Variants in FBXO8 observed in about 807,000 individuals in gnomAD.
The protein encoded by FBXO8 is F-box only protein 8.
In FBXO8, 15 loss-of-function variants were observed where a neutral mutation model predicts 33.4. The ratio of observed to expected loss-of-function variants is 0.45; its 90% CI spans 0.30 to 0.69. The LOEUF (loss-of-function observed/expected upper bound fraction) is 0.69, where lower values mean the gene tolerates loss of function less well. Ranked by LOEUF, FBXO8 falls within the 30% of genes least tolerant of loss-of-function variation. The pLI is 0.08. For missense variants in FBXO8, 274 were observed against 380.3 expected (o/e 0.72, Z 2.32); for synonymous variants, 132 against 131.5 (o/e 1.00, Z -0.02).
chr4:174,245,726 TA>T lies in FBXO8; in HGVS notation c.457-4509del, dbSNP rs1198597002. Among the ~76,000 whole-genome samples, 1 of 151,794 alleles carries T rather than the reference TA, an allele frequency of 6.6e-6. No homozygotes were observed. The highest frequency in any genetic ancestry group is 2.4e-5 in the African/African-American group (1 of 41,294). On this transcript the variant is annotated intron_variant, in intron 3 of 5. Coordinates refer to ENST00000393674, the MANE Select transcript of FBXO8 (RefSeq NM_012180.3). The surrounding 1 kb of genome is among the most constrained non-coding windows in gnomAD (Gnocchi z 4.6). Reference sequence around the variant, plus strand: ...TGGGCTATTCAGCGGAGCACTCACTTAAAAAATAAAAATAAATAGATAGCGG... The same window carrying T: ...TGGGCTATTCAGCGGAGCACTCACTTAAAAATAAAAATAAATAGATAGCGG...
intron 3 of FBXO8, among the ~76,000 whole-genome samples, chr4:174,258,417 T>G (rs1336943917): frequency 6.6e-6 from 1 of 152,192 alleles, no homozygotes; most frequent in Admixed American, 6.5e-5. Flanking sequence ...AAAAGCAATA[T>G]TATATTGGTA....
intron 3 of FBXO8, among the ~76,000 whole-genome samples, chr4:174,250,811 C>T (rs1579022924): frequency 1.3e-5 from 2 of 152,104 alleles, no homozygotes; most frequent in Non-Finnish European, 2.9e-5. Flanking sequence ...GTGACATCTA[C>T]TGTGACACTG....
At chr4:174,249,429 T>C (rs559060584) in intron 3 of FBXO8, among the ~76,000 whole-genome samples, 1 of 152,148 alleles carries the variant, frequency 6.6e-6, no homozygotes, top group African/African-American at 2.4e-5. Context: ...AATTTAGAAT[T>C]CTTGCTTTAT....
In FBXO8 at chr4:174,278,241, A is replaced by T. The variant is rs1736998751; in HGVS notation, c.-9+5169T>A. On this transcript the variant is annotated intron_variant, in intron 1 of 5. Coordinates refer to ENST00000393674, the MANE Select transcript of FBXO8 (RefSeq NM_012180.3). The surrounding 1 kb of genome is among the most constrained non-coding windows in gnomAD (Gnocchi z 4.1). ...AGAGGTCACAAGGTACATTGAACAC[A>T]TAAAAAGCCCCTACTCATTAAATTT... Among the ~76,000 whole-genome samples the T allele has an allele frequency of 6.6e-6, 1 of 152,134 alleles. No individual in the cohort carries two copies. Among genetic ancestry groups the T allele is most frequent in the South Asian group, 2.1e-4 (1 of 4,836 alleles).
Position 174,277,660 on chromosome 4 carries a change from G to A in FBXO8, c.-9+5750C>T, listed in dbSNP as rs1194699452. On this transcript the variant is annotated intron_variant, in intron 1 of 5. Coordinates refer to ENST00000393674, the MANE Select transcript of FBXO8 (RefSeq NM_012180.3). This position sits in a 1 kb window ranked among gnomAD's most constrained non-coding sequence, Gnocchi z 4.9. The stretch of plus-strand genomic sequence containing the variant: ...GTTAAATCATTGGTATGTAATGACT[G>A]ACATATGAATAGCCTCATTTAAATA... Among the ~76,000 whole-genome samples the A allele has an allele frequency of 2.0e-5, 3 of 152,064 alleles. No individual in the cohort carries two copies. The highest frequency in any genetic ancestry group is 7.2e-5 in the African/African-American group (3 of 41,432).
Position 174,274,566 on chromosome 4 carries a change from C to T in FBXO8, c.-9+8844G>A, listed in dbSNP as rs997938146. Among the ~76,000 whole-genome samples, 11 of 152,252 alleles carry T rather than the reference C, an allele frequency of 7.2e-5. No individual in the cohort carries two copies. The highest frequency in any genetic ancestry group is 2.4e-4 in the African/African-American group (10 of 41,532). On this transcript the variant is annotated intron_variant, in intron 1 of 5. Coordinates refer to ENST00000393674, the MANE Select transcript of FBXO8 (RefSeq NM_012180.3). The surrounding 1 kb of genome is among the most constrained non-coding windows in gnomAD (Gnocchi z 4.0). ...ACATAGCAAGGCCATAGTTCCAACA[C>T]GCACTAGTTTCAGTTAACATGGTAA...
Position 174,257,851 on chromosome 4 carries a change from A to C in FBXO8, c.456+1848T>G, listed in dbSNP as rs1483819659. ...GTGGTCCTCCTACCTCAGCCTCCGG[A>C]GTAGCTGGGACCACAAGAATGCACC... On this transcript the variant is annotated intron_variant, in intron 3 of 5. Coordinates refer to ENST00000393674, the MANE Select transcript of FBXO8 (RefSeq NM_012180.3). This position sits in a 1 kb window ranked among gnomAD's most constrained non-coding sequence, Gnocchi z 4.3. Among the ~76,000 whole-genome samples, 1 of 151,818 alleles carries C rather than the reference A, an allele frequency of 6.6e-6. No individual in the cohort carries two copies. The highest frequency in any genetic ancestry group is 1.9e-4 in the East Asian group (1 of 5,158).
At position 174,256,254 on chromosome 4, in the gene FBXO8, AT is replaced by A; in HGVS notation, c.456+3444del. 1 of 403,980 alleles carries A rather than the reference AT, an allele frequency of 2.5e-6. No individual in the cohort carries two copies. The highest frequency in any genetic ancestry group is 4.9e-6 in the Non-Finnish European group (1 of 204,756). 25.0% of individuals were successfully genotyped at this position (403,980 alleles called of 1,614,324 possible). A position where few individuals can be genotyped will look rare whatever the true frequency, so the allele number is the denominator to read the frequency against. ...AGACTTTTTACAATACTAAGCAATT[AT>A]ATACATCTTATCTCAGGTACTTGCA... is the stretch of plus-strand genomic sequence containing the variant. On this transcript the variant is annotated intron_variant, in intron 3 of 5. Transcript: ENST00000393674. The surrounding 1 kb of genome is among the most constrained non-coding windows in gnomAD (Gnocchi z 4.6).
intron 4 of FBXO8, among the ~76,000 whole-genome samples, chr4:174,240,544 C>T (rs972094997): frequency 1.5e-4 from 23 of 151,634 alleles, no homozygotes; most frequent in Admixed American, 1.4e-3. Context: ...GTAAAGTGTA[C>T]AAATGAATAA....
intron 3 of FBXO8, among the ~76,000 whole-genome samples, chr4:174,250,186 G>A (rs1736254546): frequency 6.6e-6 from 1 of 151,944 alleles, no homozygotes; most frequent in Non-Finnish European, 1.5e-5. Flanking sequence ...AAGCACAGAG[G>A]TTAAATAACT....
Position 174,275,870 on chromosome 4 carries a change from T to A in FBXO8, c.-9+7540A>T, listed in dbSNP as rs1486052993. Among the ~76,000 whole-genome samples the A allele has an allele frequency of 6.6e-6, 1 of 152,152 alleles. No individual in the cohort carries two copies. The highest frequency in any genetic ancestry group is 1.5e-5 in the Non-Finnish European group (1 of 68,006). ...CCTTATAGACACAAATCCTAAATGATGTTTTGACCACTTACATAGGATATA... is the reference window on the plus strand; with the variant it reads ...CCTTATAGACACAAATCCTAAATGAAGTTTTGACCACTTACATAGGATATA... On this transcript the variant is annotated intron_variant, in intron 1 of 5. Transcript: ENST00000393674. The surrounding 1 kb of genome is among the most constrained non-coding windows in gnomAD (Gnocchi z 4.4).
At chr4:174,276,816 AGCTCCAATTAC>A (rs1434456077) in intron 1 of FBXO8, among the ~76,000 whole-genome samples, 2 of 152,204 alleles carry the variant, frequency 1.3e-5, no homozygotes, top group Non-Finnish European at 2.9e-5. Context: ...TTAAAGGTGG[AGCTCCAATTAC>A]GCTGTAACTT....
Position 174,256,751 on chromosome 4 carries a change from G to A in FBXO8, c.456+2948C>T, listed in dbSNP as rs1390315304. Among the ~76,000 whole-genome samples the A allele has an allele frequency of 6.6e-6, 1 of 151,940 alleles. No individual in the cohort carries two copies. The highest frequency in any genetic ancestry group is 1.5e-5 in the Non-Finnish European group (1 of 68,002). On this transcript the variant is annotated intron_variant, in intron 3 of 5. Transcript: ENST00000393674. This position sits in a 1 kb window ranked among gnomAD's most constrained non-coding sequence, Gnocchi z 4.6. ...TTTCTTTTGCTATTAGGTAACATCT[G>A]CTAAATTACATGTTCATAAAAGCAT...
chr4:174,259,554 AAT>A lies in FBXO8; in HGVS notation c.456+143_456+144del, dbSNP rs770660158. On this transcript the variant is annotated intron_variant, in intron 3 of 5. Transcript: ENST00000393674. The surrounding 1 kb of genome is among the most constrained non-coding windows in gnomAD (Gnocchi z 4.3). ...AAGAAAAATGACTATGTCACATAGCAATAGTTTAAAATATTGGTTTTCTCAGT... is the reference window on the plus strand; with the variant it reads ...AAGAAAAATGACTATGTCACATAGCAAGTTTAAAATATTGGTTTTCTCAGT... The A allele has an allele frequency of 1.2e-4, 117 of 991,906 alleles. 1 individual carries two copies. The highest frequency in any genetic ancestry group is 1.5e-4 in the South Asian group (10 of 65,496). 61.4% of individuals were successfully genotyped at this position (991,906 alleles called of 1,614,324 possible).
rs1736512335 is a variant in FBXO8, at chr4:174,259,967, T to C, written c.330-142A>G. 2.3e-6 allele frequency: 2 copies of C among 885,274 alleles called. No individual in the cohort carries two copies. The highest frequency in any genetic ancestry group is 6.7e-5 in the Admixed American group (2 of 29,948). 54.8% of individuals were successfully genotyped at this position (885,274 alleles called of 1,614,324 possible). ...AAGTTTAAAATTTTTAAGTTTGTAC[T>C]TGTTTTCTATTTGTTTACTAGAGTA... is the stretch of plus-strand genomic sequence containing the variant. On this transcript the variant is annotated intron_variant, in intron 2 of 5. Transcript: ENST00000393674. This position sits in a 1 kb window ranked among gnomAD's most constrained non-coding sequence, Gnocchi z 4.3.
intron 1 of FBXO8, among the ~76,000 whole-genome samples, chr4:174,273,892 T>C (rs1387858953): frequency 6.6e-6 from 1 of 152,200 alleles, no homozygotes; most frequent in Non-Finnish European, 1.5e-5. Flanking sequence ...TAATACAGAC[T>C]GAAGACCATT....
In FBXO8 at chr4:174,275,068, A is replaced by AAT. The variant is rs756745535; in HGVS notation, c.-9+8340_-9+8341dup. 1.3e-5 allele frequency among the ~76,000 whole-genome samples: 2 copies of AAT among 152,222 alleles called. No homozygotes were observed. Among genetic ancestry groups the AAT allele is most frequent in the Non-Finnish European group, 2.9e-5 (2 of 68,046 alleles). Reference sequence around the variant, plus strand: ...ACATATCTGACGGACGAGTATCTAGAATATATAAACAACTCTCAAAACAAT... The same window carrying AAT: ...ACATATCTGACGGACGAGTATCTAGAATATATATAAACAACTCTCAAAACAAT... On this transcript the variant is annotated intron_variant, in intron 1 of 5. Coordinates refer to ENST00000393674, the MANE Select transcript of FBXO8 (RefSeq NM_012180.3). The surrounding 1 kb of genome is among the most constrained non-coding windows in gnomAD (Gnocchi z 4.4).
intron 3 of FBXO8, among the ~76,000 whole-genome samples, chr4:174,242,795 A>G (rs1736070430): frequency 6.6e-6 from 1 of 151,538 alleles, no homozygotes; most frequent in South Asian, 2.1e-4. Context: ...TCGAGAGTTG[A>G]CTGTATACTC....
chr4:174,276,439 T>C (rs1736961945), intron 1 of FBXO8, among the ~76,000 whole-genome samples: 1 of 152,194 alleles, frequency 6.6e-6, no homozygotes, highest in African/African-American at 2.4e-5. Flanking sequence ...AGTTTCACTA[T>C]ATTGGCCAGG....
Sources: allele counts gnomAD v4.1 joint callset (sites outside exome capture counted in the v4.1 genomes callset), GRCh38; gene constraint gnomAD v4.1.1; non-coding constraint Gnocchi (gnomAD v3.1); transcripts MANE v1.5; gene names NCBI Gene and HGNC (gene_info 2026-07-23, HGNC 2026-07-21).